GLIS3: variants seen among roughly 807,000 people sequenced by gnomAD.
The protein encoded by GLIS3 is zinc finger protein GLIS3.
A neutral mutation model predicts 78.6 loss-of-function variants in GLIS3; 53 were observed. That is an observed-to-expected ratio of 0.67 (90% CI 0.54 to 0.85). GLIS3 has a LOEUF of 0.85. Among genes scored for constraint, GLIS3 ranks in the 40% least tolerant of loss-of-function variants. The pLI is 0.00. For synonymous variants in GLIS3, 684 were observed against 509.9 expected, an observed-to-expected ratio of 1.34 and a Z score of -4.60; for missense variants, 1,703 against 1,231.1, an observed-to-expected ratio of 1.38 and a Z score of -5.74.
chr9:4,266,580 A>G (rs975882400), intron 2 of GLIS3, among the ~76,000 whole-genome samples: 1 of 134,966 alleles, frequency 7.4e-6, no homozygotes, highest in African/African-American at 2.9e-5. Flanking sequence ...TACATTTTAC[A>G]CATGCATGCG....
chr9:4,470,778 A>G, the GLIS3 span, among the ~76,000 whole-genome samples: 1 of 150,648 alleles, frequency 6.6e-6, no homozygotes, highest in African/African-American at 2.5e-5. Context: ...AGAAGGAAAT[A>G]AAGGGTATTC....
At chr9:4,068,914 T>C (rs1827341886) in intron 4 of GLIS3, among the ~76,000 whole-genome samples, 1 of 151,922 alleles carries the variant, frequency 6.6e-6, no homozygotes, top group African/African-American at 2.4e-5. Context: ...TCCTGGTCTG[T>C]CCACTGATTA....
At chr9:4,254,468 C>T (rs1000230550) in intron 2 of GLIS3, among the ~76,000 whole-genome samples, 2 of 152,188 alleles carry the variant, frequency 1.3e-5, no homozygotes, top group Non-Finnish European at 2.9e-5. Flanking sequence ...ACAGTAAATA[C>T]TGCCTTTATG....
intron 4 of GLIS3, among the ~76,000 whole-genome samples, chr9:4,113,760 C>G (rs775511087): frequency 4.3e-4 from 66 of 152,316 alleles, no homozygotes; most frequent in Middle Eastern, 3.4e-3. Flanking sequence ...GGTCCCAGCT[C>G]TGTATTTATT....
Position 4,169,818 on chromosome 9 carries a change from C to A in GLIS3, c.389-43877G>T, listed in dbSNP as rs184642593. 4.6e-5 allele frequency among the ~76,000 whole-genome samples: 7 copies of A among 152,116 alleles called. No homozygotes were observed. The South Asian group carries it at 1.5e-3, about 32-fold the overall frequency. On this transcript the variant is annotated intron_variant, in intron 2 of 10. Coordinates refer to ENST00000381971, the MANE Select transcript of GLIS3 (RefSeq NM_001042413.2). Reference sequence around the variant, plus strand: ...TCTGGGTAAAGAGTATAGGAGAATTCGGTACATTGTTCTTGCAGTTTTTTT... The same window carrying A: ...TCTGGGTAAAGAGTATAGGAGAATTAGGTACATTGTTCTTGCAGTTTTTTT...
intron 4 of GLIS3, among the ~76,000 whole-genome samples, chr9:4,005,595 T>C (rs1201674929): frequency 6.6e-6 from 1 of 152,180 alleles, no homozygotes; most frequent in African/African-American, 2.4e-5. Context: ...ACCTACTGCA[T>C]AGGTTTGTTG....
chr9:4,489,908 G>A, the GLIS3 span, among the ~76,000 whole-genome samples: 4 of 152,210 alleles, frequency 2.6e-5, no homozygotes, highest in Admixed American at 2.0e-4. Flanking sequence ...TGGGGGCACT[G>A]GAGGCTCCGC....
intron 4 of GLIS3, among the ~76,000 whole-genome samples, chr9:4,086,419 T>A (rs995422720): frequency 2.6e-5 from 4 of 152,248 alleles, no homozygotes; most frequent in Non-Finnish European, 4.4e-5. Context: ...TATATCATAC[T>A]GTGAGCTCTC....
chr9:4,283,709 G>C (rs939767066), intron 2 of GLIS3, among the ~76,000 whole-genome samples: 3 of 152,166 alleles, frequency 2.0e-5, no homozygotes, highest in Admixed American at 2.0e-4. Flanking sequence ...TAGAGTAAAT[G>C]ATCAAAGTTC....
intron 2 of GLIS3, among the ~76,000 whole-genome samples, chr9:4,146,984 G>C (rs993455750): frequency 2.6e-5 from 4 of 152,108 alleles, no homozygotes; most frequent in Non-Finnish European, 5.9e-5. Flanking sequence ...AAATGCACTA[G>C]ATCTTATACC....
At chr9:4,486,683 G>C in the GLIS3 span, among the ~76,000 whole-genome samples, 7,232 of 152,082 alleles carry the variant, frequency 0.048, 568 homozygotes, top group African/African-American at 0.16. Flanking sequence ...AAGGGCCTTG[G>C]TCCTCCCAGT....
chr9:4,211,928 T>C (rs1337285116), intron 2 of GLIS3, among the ~76,000 whole-genome samples: 1 of 152,208 alleles, frequency 6.6e-6, no homozygotes, highest in Non-Finnish European at 1.5e-5. Context: ...ACAAAGACCA[T>C]AAACTGTGTT....
chr9:4,464,071 C>T, the GLIS3 span, among the ~76,000 whole-genome samples: 7 of 152,206 alleles, frequency 4.6e-5, no homozygotes, highest in South Asian at 1.5e-3. Flanking sequence ...GGTACACTGG[C>T]AAATCATTGA....
chr9:3,851,997 T>C (rs937399709), intron 9 of GLIS3, among the ~76,000 whole-genome samples: 1 of 152,020 alleles, frequency 6.6e-6, no homozygotes, highest in Non-Finnish European at 1.5e-5. Flanking sequence ...ACAAAAAAAT[T>C]AGCTGGATGT....
At chr9:3,907,606 A>C (rs921302753) in intron 6 of GLIS3, among the ~76,000 whole-genome samples, 5 of 14,608 alleles carry the variant, frequency 3.4e-4, no homozygotes, top group Admixed American at 3.0e-3. Context: ...CACCCCCCAA[A>C]CACACACACA....
intron 2 of GLIS3, among the ~76,000 whole-genome samples, chr9:4,198,065 A>C (rs1819031056): frequency 6.6e-6 from 1 of 152,210 alleles, no homozygotes; most frequent in Non-Finnish European, 1.5e-5. Context: ...ATGAGAAGGA[A>C]CCAGTGCAGG....
chr9:3,917,342 T>C (rs1588221057), intron 6 of GLIS3, among the ~76,000 whole-genome samples: 2 of 152,340 alleles, frequency 1.3e-5, no homozygotes, highest in Non-Finnish European at 2.9e-5. Flanking sequence ...TGCACTCAGC[T>C]GAGGCCAAGT....
chr9:4,353,016 G>C (rs944472697), upstream of GLIS3, among the ~76,000 whole-genome samples: 1 of 152,122 alleles, frequency 6.6e-6, no homozygotes, highest in African/African-American at 2.4e-5. Flanking sequence ...TCATTGGTTT[G>C]GTTAGGAGAT....
At chr9:3,837,688 G>A (rs1598308) in intron 9 of GLIS3, among the ~76,000 whole-genome samples, 86,592 of 152,050 alleles carry the variant, frequency 0.57, 25,291 homozygotes, top group African/African-American at 0.7. Context: ...AAGGCTACAT[G>A]CTGCATGACT....
Sources: gnomAD v4.1 joint callset for allele counts (sites outside exome capture counted in the v4.1 genomes callset) on GRCh38, gnomAD v4.1.1 for gene constraint, MANE v1.5 for transcripts, NCBI Gene and HGNC (gene_info 2026-07-23, HGNC 2026-07-21) for gene names.